The following PCDH11X variants were observed in gnomAD, a reference collection of about 807,000 sequenced individuals.
PCDH11X encodes protocadherin-11 X-linked.
In PCDH11X, 18 loss-of-function variants were observed where a neutral mutation model predicts 53.3. That is an observed-to-expected ratio of 0.34 (90% confidence interval 0.23 to 0.50). The LOEUF is 0.50. Ranked by LOEUF, PCDH11X falls within the 20% of genes least tolerant of loss-of-function variation. The pLI, the probability that PCDH11X is intolerant of heterozygous loss-of-function variation, is 0.98. For missense variants in PCDH11X, 570 were observed against 1,032.4 expected, an observed-to-expected ratio of 0.55 and a Z score of 6.14; for synonymous variants, 279 against 393.3, an observed-to-expected ratio of 0.71 and a Z score of 3.44.
At chrX:92,464,659 C>T (rs989149512) in intron 9 of PCDH11X, among the ~76,000 whole-genome samples, 6 of 111,025 alleles carry the variant, frequency 5.4e-5, no homozygotes, top group African/African-American at 1.3e-4. Flanking sequence ...AAATTTGATT[C>T]GAGCTTCACT....
At chrX:92,317,283 A>T (rs2069101028) in intron 8 of PCDH11X, among the ~76,000 whole-genome samples, 1 of 104,756 alleles carries the variant, frequency 9.5e-6, no homozygotes, top group South Asian at 4.2e-4. Context: ...TCCTCTCTTT[A>T]TCTATAATAT....
intron 8 of PCDH11X, among the ~76,000 whole-genome samples, chrX:92,292,841 A>C (rs995217204): frequency 1.8e-5 from 2 of 111,091 alleles, no homozygotes; most frequent in African/African-American, 6.6e-5. Context: ...CAATTCCTTC[A>C]ATTTGTTGAC....
chrX:92,607,516 G>A (rs1042766807), intron 10 of PCDH11X, among the ~76,000 whole-genome samples: 11 of 111,579 alleles, frequency 9.9e-5, no homozygotes, highest in African/African-American at 3.6e-4. Flanking sequence ...TTTTTGAAGT[G>A]ATAAAGATGT....
At chrX:91,914,929 C>T (rs1257312383) in intron 6 of PCDH11X, among the ~76,000 whole-genome samples, 2 of 111,299 alleles carry the variant, frequency 1.8e-5, no homozygotes, top group African/African-American at 6.5e-5. Flanking sequence ...AGATCACCAC[C>T]TAAGCATGTA....
chrX:92,044,451 T>G (rs1413649720), intron 6 of PCDH11X, among the ~76,000 whole-genome samples: 4 of 105,217 alleles, frequency 3.8e-5, no homozygotes, highest in South Asian at 8.8e-4. Flanking sequence ...CTCCTGTGTT[T>G]CTTAATAAAT....
chrX:91,792,587 T>G (rs1935591695), intron 1 of PCDH11X, among the ~76,000 whole-genome samples: 1 of 111,239 alleles, frequency 9.0e-6, no homozygotes, highest in African/African-American at 3.3e-5. Context: ...GTACTTACAA[T>G]TGCTAATAAT....
intron 8 of PCDH11X, among the ~76,000 whole-genome samples, chrX:92,374,209 A>G (rs1328535597): frequency 9.1e-6 from 1 of 109,750 alleles, no homozygotes; most frequent in Non-Finnish European, 1.9e-5. Flanking sequence ...TTCAGAAATG[A>G]ATCATGGAAC....
chrX:92,533,072 C>G (rs1005335143), intron 10 of PCDH11X, among the ~76,000 whole-genome samples: 50 of 110,969 alleles, frequency 4.5e-4, no homozygotes, highest in African/African-American at 1.6e-3. Flanking sequence ...TGAGGATACA[C>G]AGCCAAACCA....
At chrX:92,535,106 T>C (rs1195087044) in intron 10 of PCDH11X, among the ~76,000 whole-genome samples, 1 of 112,104 alleles carries the variant, frequency 8.9e-6, no homozygotes, top group East Asian at 2.8e-4. Context: ...TTGTGGAAAG[T>C]AGTGTGGTGA....
chrX:92,326,027 T>C (rs2069321877), intron 8 of PCDH11X, among the ~76,000 whole-genome samples: 3 of 112,352 alleles, frequency 2.7e-5, no homozygotes, highest in Admixed American at 1.9e-4. Flanking sequence ...TGGTTATTTC[T>C]ATGTAATGAA....
At chrX:92,170,553 A>G (rs1370618884) in intron 6 of PCDH11X, among the ~76,000 whole-genome samples, 1 of 110,345 alleles carries the variant, frequency 9.1e-6, no homozygotes. Context: ...TTTACCATGG[A>G]CACCATATAC....
chrX:91,928,424 ATACT>A (rs1467541260), intron 6 of PCDH11X, among the ~76,000 whole-genome samples: 1 of 101,195 alleles, frequency 9.9e-6, no homozygotes, highest in African/African-American at 3.6e-5. Flanking sequence ...AGATAGAAAA[ATACT>A]TACTGTAAAA....
At chrX:91,899,157 G>A (rs188042981) in intron 6 of PCDH11X, among the ~76,000 whole-genome samples, 16 of 110,980 alleles carry the variant, frequency 1.4e-4, no homozygotes, top group Admixed American at 3.9e-4. Context: ...GAGGAGCAAG[G>A]AAGCGAGTTC....
chrX:92,579,875 G>C (rs1339442578), intron 10 of PCDH11X, among the ~76,000 whole-genome samples: 9 of 111,489 alleles, frequency 8.1e-5, no homozygotes, highest in Non-Finnish European at 1.7e-4. Flanking sequence ...ATCTCCATGA[G>C]CTTATCTACC....
chrX:92,087,931 TTA>T (rs1012617186), intron 6 of PCDH11X, among the ~76,000 whole-genome samples: 8 of 106,286 alleles, frequency 7.5e-5, no homozygotes, highest in Admixed American at 1.0e-4. Context: ...GATATATTGC[TTA>T]TATATATATG....
chrX:91,846,849 G>A (rs1569410180), intron 5 of PCDH11X, among the ~76,000 whole-genome samples: 2 of 109,788 alleles, frequency 1.8e-5, no homozygotes, highest in Non-Finnish European at 3.8e-5. Context: ...GTGTGATGTT[G>A]AGAGTTTTGT....
Position 92,313,889 on chromosome X carries a change from A to G in PCDH11X, c.3144+50746A>G, listed in dbSNP as rs566000812. 1.1e-4 allele frequency among the ~76,000 whole-genome samples: 12 copies of G among 111,597 alleles called. No homozygotes were observed. The South Asian group carries it at 3.4e-3, about 31-fold the overall frequency. Reference sequence around the variant, plus strand: ...AATGGTACACTCATATAGGGCAATTACCATGAATGAGCTTGCAGGCCTGGA... The same window carrying G: ...AATGGTACACTCATATAGGGCAATTGCCATGAATGAGCTTGCAGGCCTGGA... On this transcript the variant is annotated intron_variant, in intron 8 of 10. Transcript: ENST00000682573.
chrX:92,100,188 G>A (rs191807312), intron 6 of PCDH11X, among the ~76,000 whole-genome samples: 76 of 111,189 alleles, frequency 6.8e-4, no homozygotes, highest in Middle Eastern at 4.6e-3. Flanking sequence ...AGGTACACAC[G>A]AAGAAGCCTT....
At chrX:92,142,656 A>ACATG (rs1312308698) in intron 6 of PCDH11X, among the ~76,000 whole-genome samples, 12 of 111,351 alleles carry the variant, frequency 1.1e-4, no homozygotes, top group African/African-American at 3.6e-4. Flanking sequence ...TTACAGTCGC[A>ACATG]CATGCACACA....
Sources: gnomAD v4.1 joint callset for allele counts (sites outside exome capture counted in the v4.1 genomes callset) on GRCh38, gnomAD v4.1.1 for gene constraint, MANE v1.5 for transcripts, NCBI Gene and HGNC (gene_info 2026-07-23, HGNC 2026-07-21) for gene names.